Variants in POU2F2 observed in about 807,000 individuals in gnomAD.
POU2F2 encodes POU class 2 homeobox 2, also known as POU domain, class 2, transcription factor 2.
Under a neutral mutation model 63.5 loss-of-function variants are expected in POU2F2, and 14 were observed. That is an observed-to-expected ratio of 0.22 (90% CI 0.15 to 0.34). The LOEUF is 0.34. Ranked by LOEUF, POU2F2 falls within the 10% of genes least tolerant of loss-of-function variation. The probability of loss-of-function intolerance (pLI) is 1.00; values close to 1 mark genes in which losing one functional copy is unlikely to be tolerated. For synonymous variants in POU2F2, 306 were observed against 348.6 expected (o/e 0.88, Z 1.36); for missense variants, 607 against 815.2 (o/e 0.74, Z 3.11).
Position 42,095,370 on chromosome 19 carries a change from G to T in POU2F2, c.1113C>A (p.Arg371=). The T allele has an allele frequency of 6.2e-7, 1 of 1,614,002 alleles. No individual in the cohort carries two copies. The highest frequency in any genetic ancestry group is 8.5e-7 in the Non-Finnish European group (1 of 1,180,022). Residue 371 remains arginine, a synonymous_variant, in exon 11 of 15, where the codon CGC becomes CGA. Coordinates refer to ENST00000692977, the MANE Select transcript of POU2F2 (RefSeq NM_001394376.1). The surrounding 1 kb of genome is among the most constrained non-coding windows in gnomAD (Gnocchi z 7.1). ...EVIRVWFCNR[R]QKEKRINPCS... Reference sequence around the variant, plus strand: ...AGGGGTTGATGCGTTTCTCCTTCTGGCGCCGGTTGCAGAACCAGACGCGGA... The same window carrying T: ...AGGGGTTGATGCGTTTCTCCTTCTGTCGCCGGTTGCAGAACCAGACGCGGA...
chr19:42,123,357 G>T, intron 1 of POU2F2: 1 of 152,364 alleles, frequency 6.6e-6, no homozygotes. Flanking sequence ...CCCAGGAAAT[G>T]AAAGGAGGTG....
Position 42,144,691 on chromosome 19 carries a change from C to A in POU2F2, c.-9+15641G>T, listed in dbSNP as rs376634397. 5.9e-5 allele frequency among the ~76,000 whole-genome samples: 9 copies of A among 152,380 alleles called. No homozygotes were observed. The East Asian group carries it at 1.7e-3, about 29-fold the overall frequency. On this transcript the variant is annotated intron_variant, in intron 2 of 6. Coordinates refer to the POU2F2 transcript ENST00000524801. The stretch of plus-strand genomic sequence containing the variant: ...TGTGCAGGCATATGTTATGTGTATT[C>A]TTTGCATCATCTTTTGGCATCTTCC...
chr19:42,102,863 G>A (rs1013947033), intron 5 of POU2F2, among the ~76,000 whole-genome samples: 2 of 152,114 alleles, frequency 1.3e-5, no homozygotes, highest in South Asian at 2.1e-4. Flanking sequence ...AAGCAAAACC[G>A]CTTTACACAC....
intron 1 of POU2F2, among the ~76,000 whole-genome samples, chr19:42,192,548 T>C (rs2146828174): frequency 6.6e-6 from 1 of 152,326 alleles, no homozygotes; most frequent in South Asian, 2.1e-4. Flanking sequence ...GCATCGTATT[T>C]ACCCTTGGTA....
chr19:42,192,376 T>A (rs1037358110), intron 1 of POU2F2, among the ~76,000 whole-genome samples: 2 of 152,102 alleles, frequency 1.3e-5, no homozygotes, highest in African/African-American at 4.8e-5. Context: ...CCCTCTTACA[T>A]CCCTTTGAGA....
At chr19:42,135,354 C>T (rs980676416), upstream of POU2F2, among the ~76,000 whole-genome samples, 1 of 152,104 alleles carries the variant, frequency 6.6e-6, no homozygotes, top group Admixed American at 6.5e-5. Flanking sequence ...CATCTAAGCA[C>T]ACGGGGCTTC....
chr19:42,106,736 C>T (rs2030083118), intron 5 of POU2F2, among the ~76,000 whole-genome samples: 1 of 143,338 alleles, frequency 7.0e-6, no homozygotes, highest in Admixed American at 7.3e-5. Context: ...ATGGCAAGAC[C>T]CTGTCTCTAC....
intron 7 of POU2F2, among the ~76,000 whole-genome samples, chr19:42,098,929 G>A (rs1343213752): frequency 6.6e-6 from 1 of 152,232 alleles, no homozygotes; most frequent in Non-Finnish European, 1.5e-5. Context: ...GCTCCTGCCA[G>A]TGGCCAGGCC....
chr19:42,151,408 G>T (rs2034349002), intron 2 of POU2F2, among the ~76,000 whole-genome samples: 1 of 152,112 alleles, frequency 6.6e-6, no homozygotes, highest in African/African-American at 2.4e-5. Flanking sequence ...TGGGAGGAGA[G>T]GAGGATCTGG....
upstream of POU2F2, among the ~76,000 whole-genome samples, chr19:42,196,789 G>C (rs754557119): frequency 3.9e-5 from 6 of 152,286 alleles, no homozygotes; most frequent in Non-Finnish European, 7.3e-5. Context: ...GCGAGCCTCT[G>C]CCTCATGGTT....
At chr19:42,094,161 T>C (rs2076835346) in intron 11 of POU2F2, among the ~76,000 whole-genome samples, 2 of 152,252 alleles carry the variant, frequency 1.3e-5, no homozygotes, top group African/African-American at 2.4e-5. Context: ...GGTTGTGTCC[T>C]GTCTGAAGTG....
intron 1 of POU2F2, among the ~76,000 whole-genome samples, chr19:42,181,198 G>A (rs1311632336): frequency 5.3e-5 from 8 of 152,218 alleles, no homozygotes; most frequent in Non-Finnish European, 8.8e-5. Context: ...GCCCAGCCCC[G>A]AGTCATGATT....
At chr19:42,131,610 C>T (rs996168566) in intron 1 of POU2F2, among the ~76,000 whole-genome samples, 1 of 152,216 alleles carries the variant, frequency 6.6e-6, no homozygotes, top group Admixed American at 6.5e-5. Flanking sequence ...TATAAATCAC[C>T]TTGTACAGTG....
intron 5 of POU2F2, among the ~76,000 whole-genome samples, chr19:42,108,446 G>A (rs923135997): frequency 6.6e-6 from 1 of 152,030 alleles, no homozygotes; most frequent in Admixed American, 6.6e-5. Flanking sequence ...ATGGTGGCAC[G>A]TGCCTGTAGT....
intron 1 of POU2F2, among the ~76,000 whole-genome samples, chr19:42,195,304 C>G (rs2035128992): frequency 6.7e-6 from 1 of 148,876 alleles, no homozygotes; most frequent in African/African-American, 2.5e-5. Context: ...CCTTCATTTC[C>G]TTCCCTTCCT....
At chr19:42,100,859 G>A (rs1420730210) in intron 5 of POU2F2, among the ~76,000 whole-genome samples, 5 of 152,252 alleles carry the variant, frequency 3.3e-5, no homozygotes, top group South Asian at 2.1e-4. Context: ...CAGCAATTTG[G>A]GAGGCCGAGC....
intron 1 of POU2F2, among the ~76,000 whole-genome samples, chr19:42,125,297 G>GGCT (rs1253838211): frequency 6.6e-6 from 1 of 150,928 alleles, no homozygotes; most frequent in Non-Finnish European, 1.5e-5. Context: ...AGGAGATTGA[G>GGCT]GCTACAGTGA....
At chr19:42,099,933 G>A (rs1021972899) in intron 5 of POU2F2, 112 bp from the exon 6 acceptor site, 35 of 824,234 alleles carry the variant, frequency 4.2e-5, no homozygotes, top group East Asian at 2.7e-4. Context: ...TCCACATGGC[G>A]ATCTGGCACT....
intron 1 of POU2F2, among the ~76,000 whole-genome samples, chr19:42,181,865 C>T (rs1056383243): frequency 6.6e-6 from 1 of 152,200 alleles, no homozygotes; most frequent in Non-Finnish European, 1.5e-5. Context: ...GGATTACAGG[C>T]GTGAGCCAAC....
Sources: allele counts gnomAD v4.1 joint callset (sites outside exome capture counted in the v4.1 genomes callset), GRCh38; gene constraint gnomAD v4.1.1; non-coding constraint Gnocchi (gnomAD v3.1); transcripts MANE v1.5; gene names NCBI Gene and HGNC (gene_info 2026-07-23, HGNC 2026-07-21).